DISC1: variants seen among roughly 807,000 people sequenced by gnomAD.
DISC1 encodes DISC1 scaffold protein, also known as disrupted in schizophrenia 1 protein.
Under a neutral mutation model 84.5 loss-of-function variants are expected in DISC1, and 57 were observed. That is an observed-to-expected ratio of 0.67 (90% confidence interval 0.55 to 0.84). The LOEUF (loss-of-function observed/expected upper bound fraction) is 0.84, where lower values mean the gene tolerates loss of function less well. Ranked by LOEUF, DISC1 falls within the 40% of genes least tolerant of loss-of-function variation. The pLI, the probability that DISC1 is intolerant of heterozygous loss-of-function variation, is 0.00. For synonymous variants in DISC1, 411 were observed against 415.2 expected, an observed-to-expected ratio of 0.99 and a Z score of 0.12; for missense variants, 1,000 against 1,057.8, an observed-to-expected ratio of 0.95 and a Z score of 0.76.
chr1:231,668,173 G>A (rs1247142340), intron 1 of DISC1, among the ~76,000 whole-genome samples: 1 of 151,892 alleles, frequency 6.6e-6, no homozygotes, highest in African/African-American at 2.4e-5. Flanking sequence ...CATTAAACAT[G>A]TCCCTCAACT....
At chr1:231,931,645 A>ATTTTTTTTTTTT (rs10652394) in intron 9 of DISC1, among the ~76,000 whole-genome samples, 1 of 137,942 alleles carries the variant, frequency 7.2e-6, no homozygotes. Context: ...ACTGCTTGTG[A>ATTTTTTTTTTTT]TTTTTTTTTT....
chr1:231,722,600 A>G, intron 3 of DISC1: 1 of 1,614,162 alleles, frequency 6.2e-7, no homozygotes, highest in Admixed American at 1.7e-5. Flanking sequence ...AACTCCTATT[A>G]ATGAAACTTC....
intron 9 of DISC1, among the ~76,000 whole-genome samples, chr1:231,887,992 C>T (rs772854742): frequency 2.4e-4 from 36 of 152,290 alleles, no homozygotes; most frequent in African/African-American, 7.9e-4. Flanking sequence ...ATCATGTCAG[C>T]GAGCAAAGCA....
At chr1:231,723,615 TATAAC>T (rs1340220776) in intron 3 of DISC1, 7 of 985,360 alleles carry the variant, frequency 7.1e-6, no homozygotes, top group African/African-American at 5.2e-5. Context: ...TATTCTGTCT[TATAAC>T]AGTCTGCTCT....
intron 10 of DISC1, among the ~76,000 whole-genome samples, chr1:231,986,674 C>T (rs1664491314): frequency 6.6e-6 from 1 of 152,184 alleles, no homozygotes; most frequent in Non-Finnish European, 1.5e-5. Context: ...ATGTCAGTTA[C>T]CCTGCTTCAT....
At chr1:231,940,328 A>C (rs2091244503) in intron 9 of DISC1, among the ~76,000 whole-genome samples, 1 of 152,098 alleles carries the variant, frequency 6.6e-6, no homozygotes, top group South Asian at 2.1e-4. Context: ...ATACCTGCCG[A>C]GTGAGTGAAT....
intron 10 of DISC1, among the ~76,000 whole-genome samples, chr1:231,976,603 G>C (rs1048249123): frequency 6.6e-6 from 1 of 152,318 alleles, no homozygotes; most frequent in Middle Eastern, 3.4e-3. Flanking sequence ...TGGAAGCTGA[G>C]AGGCCAGCCA....
At chr1:232,022,540 T>C (rs1026589249) in intron 11 of DISC1, among the ~76,000 whole-genome samples, 1 of 152,060 alleles carries the variant, frequency 6.6e-6, no homozygotes, top group Admixed American at 6.5e-5. Flanking sequence ...TCTCTTGACC[T>C]TGTGATCCAC....
At chr1:231,972,937 G>A (rs563452686) in intron 10 of DISC1, among the ~76,000 whole-genome samples, 42 of 152,234 alleles carry the variant, frequency 2.8e-4, no homozygotes, top group African/African-American at 9.6e-4. Context: ...ATATTGGGCT[G>A]CGTCTCCTCT....
chr1:231,761,643 G>A (rs1342474700), intron 4 of DISC1, among the ~76,000 whole-genome samples: 1 of 152,196 alleles, frequency 6.6e-6, no homozygotes, highest in Admixed American at 6.5e-5. Context: ...TCAATTCTGT[G>A]TTGATTTCCT....
chr1:231,873,001 A>G (rs1195654973), intron 9 of DISC1, among the ~76,000 whole-genome samples: 1 of 152,246 alleles, frequency 6.6e-6, no homozygotes, highest in Non-Finnish European at 1.5e-5. Context: ...TATTCCAGGC[A>G]TCCGTCAGGA....
At chr1:232,030,176 C>T (rs1669868948) in intron 12 of DISC1, among the ~76,000 whole-genome samples, 1 of 152,172 alleles carries the variant, frequency 6.6e-6, no homozygotes, top group African/African-American at 2.4e-5. Flanking sequence ...TCGGGACTTC[C>T]AGGAGCATTA....
chr1:231,994,510 T>C (rs1428073184), intron 10 of DISC1, among the ~76,000 whole-genome samples: 5 of 152,216 alleles, frequency 3.3e-5, no homozygotes. Context: ...CTCTTTATTA[T>C]AGGAATGTCA....
intron 9 of DISC1, among the ~76,000 whole-genome samples, chr1:231,904,038 C>T (rs186413382): frequency 3.9e-5 from 6 of 152,286 alleles, no homozygotes; most frequent in Admixed American, 1.3e-4. Context: ...ACTGGCCCTG[C>T]AGGGAGTGAA....
chr1:231,673,542 AGATT>A lies in DISC1; in HGVS notation c.68-20283_68-20280del, dbSNP rs547510604. The stretch of plus-strand genomic sequence containing the variant: ...AGTTTGACCTGGTCACTTTCTCCAG[AGATT>A]TCTTTCCTTCCACATAATCTGTAAA... On this transcript the variant is annotated intron_variant, in intron 1 of 12. Transcript: ENST00000439617. Among the ~76,000 whole-genome samples the A allele has an allele frequency of 2.5e-3, 388 of 152,270 alleles. 3 individuals carry two copies. The highest frequency in any genetic ancestry group is 8.9e-3 in the African/African-American group (371 of 41,560).
intron 4 of DISC1, among the ~76,000 whole-genome samples, chr1:231,757,223 C>T (rs1385649182): frequency 6.6e-6 from 1 of 152,100 alleles, no homozygotes; most frequent in African/African-American, 2.4e-5. Flanking sequence ...TATGGACTTC[C>T]TCTATTGCAA....
At chr1:232,019,754 C>T (rs1668783620) in intron 11 of DISC1, among the ~76,000 whole-genome samples, 1 of 152,134 alleles carries the variant, frequency 6.6e-6, no homozygotes, top group Non-Finnish European at 1.5e-5. Context: ...ATTCTCGCCG[C>T]CTTTCCCATG....
At chr1:231,918,457 GA>G (rs1185708558) in intron 9 of DISC1, among the ~76,000 whole-genome samples, 2 of 152,204 alleles carry the variant, frequency 1.3e-5, no homozygotes, top group African/African-American at 4.8e-5. Flanking sequence ...GGTTGTGTTT[GA>G]GGTAGGAGGA....
intron 1 of DISC1, among the ~76,000 whole-genome samples, chr1:231,686,239 C>T (rs2064259864): frequency 6.6e-6 from 1 of 152,244 alleles, no homozygotes; most frequent in South Asian, 2.1e-4. Flanking sequence ...CCAGTAGGGA[C>T]TCTGTGGGGG....
Sources: gnomAD v4.1 joint callset for allele counts (sites outside exome capture counted in the v4.1 genomes callset) on GRCh38, gnomAD v4.1.1 for gene constraint, MANE v1.5 for transcripts, NCBI Gene and HGNC (gene_info 2026-07-23, HGNC 2026-07-21) for gene names.